The following TGM7 variants were observed in gnomAD, a reference collection of about 807,000 sequenced individuals.
The protein encoded by TGM7 is transglutaminase 7.
In TGM7, 74 loss-of-function variants were observed where a neutral mutation model predicts 79.5. That is an observed-to-expected ratio of 0.93 (90% CI 0.77 to 1.13). The LOEUF (loss-of-function observed/expected upper bound fraction) is 1.13, where lower values mean the gene tolerates loss of function less well. Among genes scored for constraint, TGM7 ranks in the 50% most tolerant of loss-of-function variants. TGM7 has a pLI of 0.00. For synonymous variants in TGM7, 354 were observed against 362.5 expected (o/e 0.98, Z 0.27); for missense variants, 912 against 905.9 (o/e 1.01, Z -0.09).
chr15:43,293,560 TCTC>T lies in TGM7; in HGVS notation c.79_81del (p.Glu27del). ...CGCACAGTGAGCCGCTTGACGCCCA[TCTC>T]CTGCGTGTGGTGCTCCTTGTTGTTC... On this transcript the variant is annotated inframe_deletion, in exon 2 of 13. Coordinates refer to ENST00000452443, the MANE Select transcript of TGM7 (RefSeq NM_052955.3). 6.2e-7 allele frequency: 1 copy of T among 1,610,980 alleles called. No individual in the cohort carries two copies. Among genetic ancestry groups the T allele is most frequent in the South Asian group, 1.1e-5 (1 of 90,954 alleles).
intron 9 of TGM7, 88 bp downstream of exon 9, chr15:43,281,756 G>T: frequency 6.4e-7 from 1 of 1,555,906 alleles, no homozygotes; most frequent in Non-Finnish European, 8.7e-7. Flanking sequence ...GTGATTCGAT[G>T]GTGATGGTTT....
Position 43,276,646 on chromosome 15 carries a change from G to A in TGM7, c.1974-32C>T, listed in dbSNP as rs560925920. The A allele has an allele frequency of 1.0e-5, 16 of 1,599,486 alleles. No homozygotes were observed. The East Asian group carries it at 1.6e-4, about 16-fold the overall frequency. On this transcript the variant is annotated intron_variant, in intron 12 of 12. Transcript: ENST00000452443. ...GTCAGAAACAGCCTGTGAGAGCCTC[G>A]AGGACTTCCTGCTGGCGGCAGGGGT... is the stretch of plus-strand genomic sequence containing the variant.
rs1173883152 is a variant in TGM7, at chr15:43,281,987, T to C, written c.1208A>G (p.Asp403Gly). Reference protein sequence around the residue: ...TPFVYAEVNADEVIWLLGDGQ... With the variant: ...TPFVYAEVNAGEVIWLLGDGQ... ...ATCCCCAAGGAGCCAAATGACTTCATCGGCGTTCACCTCGGCATACACAAA... is the reference window on the plus strand; with the variant it reads ...ATCCCCAAGGAGCCAAATGACTTCACCGGCGTTCACCTCGGCATACACAAA... Residue 403 changes from aspartate to glycine, a missense_variant, in exon 9 of 13, where the codon GAT becomes GGT. Transcript: ENST00000452443. 8 of 1,614,060 alleles carry C rather than the reference T, an allele frequency of 5.0e-6. No individual in the cohort carries two copies. Among genetic ancestry groups the C allele is most frequent in the Non-Finnish European group, 6.8e-6 (8 of 1,180,000 alleles).
chr15:43,295,364 G>A (rs1414798347), intron 1 of TGM7, among the ~76,000 whole-genome samples: 1 of 152,212 alleles, frequency 6.6e-6, no homozygotes, highest in East Asian at 1.9e-4. Flanking sequence ...GCCAAGAAGG[G>A]TGAATCACTT....
At chr15:43,287,507 C>T in intron 5 of TGM7, 34 bp downstream of exon 5, 1 of 1,612,926 alleles carries the variant, frequency 6.2e-7, no homozygotes, top group Non-Finnish European at 8.5e-7. Context: ...GAAGCTCAGA[C>T]TGTCCTCAGA....
intron 4 of TGM7, among the ~76,000 whole-genome samples, chr15:43,289,771 T>A (rs928567971): frequency 6.6e-6 from 1 of 152,214 alleles, no homozygotes; most frequent in African/African-American, 2.4e-5. Flanking sequence ...TGGTGTGAGG[T>A]GGTATCTCAT....
At chr15:43,293,929 G>A (rs1348222804) in intron 1 of TGM7, among the ~76,000 whole-genome samples, 1 of 120,920 alleles carries the variant, frequency 8.3e-6, no homozygotes, top group African/African-American at 3.3e-5. Flanking sequence ...AGTGGGGTGT[G>A]CGGGGGGATC....
chr15:43,279,279 T>C lies in TGM7; in HGVS notation c.1679-2A>G. The C allele has an allele frequency of 6.2e-7, 1 of 1,613,568 alleles. No homozygotes were observed. Among genetic ancestry groups the C allele is most frequent in the Non-Finnish European group, 8.5e-7 (1 of 1,179,672 alleles). On this transcript the variant is annotated splice_acceptor_variant, in intron 10 of 12. Coordinates refer to ENST00000452443, the MANE Select transcript of TGM7 (RefSeq NM_052955.3). LOFTEE classifies it high-confidence loss of function. Reference sequence around the variant, plus strand: ...GCAGGAGGAGCGGCCACTGTGTCTCTAAGCACATACAAAAGACACCTTGAG... The same window carrying C: ...GCAGGAGGAGCGGCCACTGTGTCTCCAAGCACATACAAAAGACACCTTGAG...
intron 4 of TGM7, among the ~76,000 whole-genome samples, chr15:43,289,305 A>G (rs1566845425): frequency 6.6e-6 from 1 of 152,042 alleles, no homozygotes; most frequent in Non-Finnish European, 1.5e-5. Flanking sequence ...GAGTGAGGAC[A>G]TGTGGTGTTT....
At position 43,282,372 on chromosome 15, in the gene TGM7, C is replaced by G; in HGVS notation, c.1108+145G>C. On this transcript the variant is annotated intron_variant, in intron 8 of 12. Coordinates refer to ENST00000452443, the MANE Select transcript of TGM7 (RefSeq NM_052955.3). ...ACTCTGTCAATGGTAGAGTTAGATTCCTGATCTGAAGCTGTGTCAGCTGGG... is the reference window on the plus strand; with the variant it reads ...ACTCTGTCAATGGTAGAGTTAGATTGCTGATCTGAAGCTGTGTCAGCTGGG... 7 of 806,542 alleles carry G rather than the reference C, an allele frequency of 8.7e-6. No individual in the cohort carries two copies. In the South Asian group the frequency reaches 1.2e-4, roughly 14 times the overall value. 50.0% of individuals were successfully genotyped at this position (806,542 alleles called of 1,614,324 possible).
chr15:43,300,889 A>C (rs2043022204), intron 1 of TGM7, among the ~76,000 whole-genome samples: 1 of 152,234 alleles, frequency 6.6e-6, no homozygotes, highest in Non-Finnish European at 1.5e-5. Flanking sequence ...AAACTCTAGC[A>C]CTAAAGTACC....
chr15:43,276,971 T>C lies in TGM7; in HGVS notation c.1864A>G (p.Lys622Glu), dbSNP rs769711263. The C allele has an allele frequency of 4.1e-5, 66 of 1,613,978 alleles. No individual in the cohort carries two copies. Among genetic ancestry groups the C allele is most frequent in the Non-Finnish European group, 1.7e-6 (2 of 1,179,998 alleles). The change falls in exon 12 of 13, where the codon AAG becomes GAG. Residue 622 changes from lysine to glutamate, a missense_variant. Coordinates refer to ENST00000452443, the MANE Select transcript of TGM7 (RefSeq NM_052955.3). ...IEVSERAEVG[K>E]ALRVHVTLTN... ...AGGGTGACATGGACTCTCAGCGCCT[T>C]GCCCACCTCAGCCCTCTCAGACACC... is the stretch of plus-strand genomic sequence containing the variant.
chr15:43,280,750 G>A (rs2042903685), intron 9 of TGM7, among the ~76,000 whole-genome samples: 1 of 152,154 alleles, frequency 6.6e-6, no homozygotes, highest in South Asian at 2.1e-4. Context: ...TACTACTTGA[G>A]ACCATCATTA....
At chr15:43,297,627 A>AAGAAAG (rs1555386127) in intron 1 of TGM7, among the ~76,000 whole-genome samples, 1 of 151,356 alleles carries the variant, frequency 6.6e-6, no homozygotes, top group Non-Finnish European at 1.5e-5. Flanking sequence ...GAAAGAAAGA[A>AAGAAAG]AGAAAGAAAA....
rs778790079 is a variant in TGM7, at chr15:43,276,956, G to A, written c.1879C>T (p.His627Tyr). 1.9e-6 allele frequency: 3 copies of A among 1,614,094 alleles called. No homozygotes were observed. The highest frequency in any genetic ancestry group is 2.5e-6 in the Non-Finnish European group (3 of 1,179,992). Residue 627 changes from histidine (H) to tyrosine (Y), a missense_variant, in exon 12 of 13, where the codon CAT (histidine) becomes TAT (tyrosine). Physicochemically the swap from His to Tyr is moderately conservative, Grantham distance 83 (BLOSUM62 2). Transcript: ENST00000452443. ...ATTAAGGTGTTGGTGAGGGTGACAT[G>A]GACTCTCAGCGCCTTGCCCACCTCA... Reference protein sequence around the residue: ...RAEVGKALRVHVTLTNTLMVA... With the variant: ...RAEVGKALRVYVTLTNTLMVA...
At chr15:43,288,720 A>C (rs1261002331) in intron 4 of TGM7, among the ~76,000 whole-genome samples, 1 of 152,192 alleles carries the variant, frequency 6.6e-6, no homozygotes, top group Non-Finnish European at 1.5e-5. Flanking sequence ...ACCTGAGGTC[A>C]GAAGTTCGAG....
intron 1 of TGM7, among the ~76,000 whole-genome samples, chr15:43,300,532 T>C (rs2043020464): frequency 6.6e-6 from 1 of 152,236 alleles, no homozygotes; most frequent in Non-Finnish European, 1.5e-5. Context: ...CCGGGCGCGG[T>C]GGCTCACGCC....
chr15:43,297,607 A>AAGAAAGAAAGAAAGAG (rs2043004975), intron 1 of TGM7, among the ~76,000 whole-genome samples: 1 of 149,916 alleles, frequency 6.7e-6, no homozygotes, highest in Admixed American at 6.6e-5. Context: ...GAAAGAAAGA[A>AAGAAAGAAAGAAAGAG]AGAAAGAAAG....
Position 43,276,911 on chromosome 15 carries a change from T to G in TGM7, c.1924A>C (p.Thr642Pro). Residue 642 changes from threonine (T) to proline (P), a missense_variant, in exon 12 of 13, where the codon ACG becomes CCG. Transcript: ENST00000452443. ...NTLMVALSSC[T>P]MVLEGSGLIN... is the part of the protein sequence containing the mutation. ...AGGCCGCTTCCTTCCAGCACCATCG[T>G]GCAGCTGCTCAGAGCCACCATTAAG... The G allele has an allele frequency of 6.2e-7, 1 of 1,614,178 alleles. No homozygotes were observed. Among genetic ancestry groups the G allele is most frequent in the Non-Finnish European group, 8.5e-7 (1 of 1,180,036 alleles).
Sources: gnomAD v4.1 joint callset for allele counts (sites outside exome capture counted in the v4.1 genomes callset) on GRCh38, gnomAD v4.1.1 for gene constraint, MANE v1.5 for transcripts, NCBI Gene and HGNC (gene_info 2026-07-23, HGNC 2026-07-21) for gene names.